CTNNA3: variants seen among roughly 807,000 people sequenced by gnomAD.
The protein encoded by CTNNA3 is catenin alpha 3.
A neutral mutation model predicts 95.7 loss-of-function variants in CTNNA3; 76 were observed. That is an observed-to-expected ratio of 0.79 (90% confidence interval 0.66 to 0.96). The LOEUF is 0.96. Ranked by LOEUF, CTNNA3 falls within the 40% of genes least tolerant of loss-of-function variation. The pLI is 0.00. For missense variants in CTNNA3, 1,191 were observed against 1,089.8 expected (o/e 1.09, Z -1.31); for synonymous variants, 431 against 374.4 (o/e 1.15, Z -1.74).
At chr10:66,466,807 T>G (rs1295049834) in intron 11 of CTNNA3, among the ~76,000 whole-genome samples, 1 of 152,142 alleles carries the variant, frequency 6.6e-6, no homozygotes, top group African/African-American at 2.4e-5. Context: ...TACATATTAG[T>G]AATATGCCAG....
intron 10 of CTNNA3, among the ~76,000 whole-genome samples, chr10:66,543,878 A>C: frequency 7.1e-6 from 1 of 140,726 alleles, no homozygotes; most frequent in Non-Finnish European, 1.5e-5. Context: ...CTTTTTCTGA[A>C]TTTAGCTAAT....
chr10:66,071,485 G>C (rs2080432800), intron 14 of CTNNA3, among the ~76,000 whole-genome samples: 1 of 151,844 alleles, frequency 6.6e-6, no homozygotes, highest in Non-Finnish European at 1.5e-5. Flanking sequence ...GATTTATCAA[G>C]ATTATAGTGT....
chr10:66,597,519 T>TATATATATATATATATATATAC (rs1843753910), intron 10 of CTNNA3, among the ~76,000 whole-genome samples: 1 of 81,266 alleles, frequency 1.2e-5, no homozygotes, highest in African/African-American at 5.1e-5. Flanking sequence ...TACATATATA[T>TATATATATATATATATATATAC]ATATATATAT....
chr10:66,497,514 G>A (rs1176085278), intron 11 of CTNNA3, among the ~76,000 whole-genome samples: 1 of 151,932 alleles, frequency 6.6e-6, no homozygotes, highest in Admixed American at 6.6e-5. Flanking sequence ...ACTGTATAGG[G>A]CTAATTTTTC....
chr10:67,083,015 C>T lies in CTNNA3; in HGVS notation c.1047+97302G>A, dbSNP rs370592456. The stretch of plus-strand genomic sequence containing the variant: ...TAGTCATGAGTTCTACCAGAAGCCA[C>T]CTGTGTGTTCTCACAAAAAAGCAGG... On this transcript the variant is annotated intron_variant, in intron 7 of 17. Coordinates refer to ENST00000433211, the MANE Select transcript of CTNNA3 (RefSeq NM_013266.4). 7.9e-5 allele frequency among the ~76,000 whole-genome samples: 12 copies of T among 152,146 alleles called. No homozygotes were observed. The East Asian group carries it at 2.1e-3, about 27-fold the overall frequency.
In CTNNA3 at chr10:67,144,357, C is replaced by G. The variant is rs148249525; in HGVS notation, c.1047+35960G>C. On this transcript the variant is annotated intron_variant, in intron 7 of 17. Coordinates refer to ENST00000433211, the MANE Select transcript of CTNNA3 (RefSeq NM_013266.4). Reference sequence around the variant, plus strand: ...AAGTTAAAGTCACCAGCTACATTAGCATCTAACAAAAGAGTTAGCCTGTCC... The same window carrying G: ...AAGTTAAAGTCACCAGCTACATTAGGATCTAACAAAAGAGTTAGCCTGTCC... 5.0e-3 allele frequency among the ~76,000 whole-genome samples: 757 copies of G among 152,292 alleles called. 6 individuals are homozygous for G. Among genetic ancestry groups the G allele is most frequent in the African/African-American group, 0.017 (708 of 41,558 alleles).
At chr10:66,252,503 G>A (rs1039139023) in intron 13 of CTNNA3, among the ~76,000 whole-genome samples, 2 of 152,186 alleles carry the variant, frequency 1.3e-5, no homozygotes, top group Non-Finnish European at 2.9e-5. Context: ...TTAAAGTCAT[G>A]GATGTGGTTT....
At chr10:65,999,820 T>C (rs771758653) in intron 15 of CTNNA3, among the ~76,000 whole-genome samples, 4 of 152,052 alleles carry the variant, frequency 2.6e-5, no homozygotes, top group Non-Finnish European at 4.4e-5. Flanking sequence ...AATTATTGCA[T>C]TGGATCCTAC....
At chr10:66,361,981 C>G (rs567600920) in intron 12 of CTNNA3, among the ~76,000 whole-genome samples, 78 of 152,034 alleles carry the variant, frequency 5.1e-4, no homozygotes, top group Non-Finnish European at 1.0e-3. Context: ...ACTTTATTAG[C>G]CTTTGTAATA....
At chr10:67,258,620 T>C (rs1018719755) in intron 5 of CTNNA3, among the ~76,000 whole-genome samples, 7 of 152,208 alleles carry the variant, frequency 4.6e-5, no homozygotes, top group African/African-American at 4.8e-5. Context: ...CTTTCAACTG[T>C]GATTTTTTTT....
intron 7 of CTNNA3, among the ~76,000 whole-genome samples, chr10:66,979,793 A>T (rs1390416514): frequency 6.6e-6 from 1 of 152,152 alleles, no homozygotes; most frequent in Non-Finnish European, 1.5e-5. Flanking sequence ...AATTTCCCAA[A>T]ATTTTATTCT....
intron 9 of CTNNA3, among the ~76,000 whole-genome samples, chr10:66,724,862 T>C (rs1848733158): frequency 6.6e-6 from 1 of 152,186 alleles, no homozygotes; most frequent in Admixed American, 6.5e-5. Flanking sequence ...ACCTACCATA[T>C]CCTGAGCACT....
chr10:67,693,808 T>A (rs1020433501), intron 1 of CTNNA3, among the ~76,000 whole-genome samples: 7 of 152,142 alleles, frequency 4.6e-5, no homozygotes, highest in African/African-American at 1.7e-4. Flanking sequence ...TCTACTCTAT[T>A]TACACAACAT....
At chr10:66,108,031 T>G (rs896172612) in intron 13 of CTNNA3, among the ~76,000 whole-genome samples, 2 of 151,910 alleles carry the variant, frequency 1.3e-5, no homozygotes, top group Admixed American at 6.6e-5. Context: ...AGAGAAGCTC[T>G]TAGGAAACAT....
At chr10:67,052,824 G>A (rs1855194889) in intron 7 of CTNNA3, 1 of 151,856 alleles carries the variant, frequency 6.6e-6, no homozygotes, top group Non-Finnish European at 1.5e-5. Context: ...TGATTCTGCT[G>A]AATGAAAACA....
chr10:66,289,957 C>T (rs895800963), intron 12 of CTNNA3, among the ~76,000 whole-genome samples: 4 of 152,104 alleles, frequency 2.6e-5, no homozygotes, highest in African/African-American at 9.6e-5. Flanking sequence ...TAAGTTTCTT[C>T]ACAATCATAC....
chr10:67,168,400 C>T (rs1487484060), intron 7 of CTNNA3, among the ~76,000 whole-genome samples: 1 of 152,118 alleles, frequency 6.6e-6, no homozygotes, highest in Non-Finnish European at 1.5e-5. Flanking sequence ...TACTGGCAAA[C>T]CGAATCCAGC....
intron 7 of CTNNA3, among the ~76,000 whole-genome samples, chr10:66,808,577 G>A (rs1461817308): frequency 2.0e-5 from 3 of 152,052 alleles, no homozygotes; most frequent in Non-Finnish European, 4.4e-5. Context: ...GTTACTCAAG[G>A]TCAACAGTAT....
At chr10:65,976,436 A>G in intron 16 of CTNNA3, among the ~76,000 whole-genome samples, 1 of 152,182 alleles carries the variant, frequency 6.6e-6, no homozygotes, top group South Asian at 2.1e-4. Flanking sequence ...CCACAGTAGA[A>G]AAGCCTATAA....
Sources: gnomAD v4.1 joint callset for allele counts (sites outside exome capture counted in the v4.1 genomes callset) on GRCh38, gnomAD v4.1.1 for gene constraint, MANE v1.5 for transcripts, NCBI Gene and HGNC (gene_info 2026-07-23, HGNC 2026-07-21) for gene names.